The following REXO1 variants were observed in gnomAD, a reference collection of about 807,000 sequenced individuals.
The protein encoded by REXO1 is RNA exonuclease 1 homolog.
A neutral mutation model predicts 102.6 loss-of-function variants in REXO1; 42 were observed. The observed-to-expected ratio is 0.41, with a 90% CI of 0.32 to 0.53. REXO1 has a LOEUF of 0.53. Among genes scored for constraint, REXO1 ranks in the 20% least tolerant of loss-of-function variants. The probability of loss-of-function intolerance (pLI) is 0.27; values close to 1 mark genes in which losing one functional copy is unlikely to be tolerated. For synonymous variants in REXO1, 908 were observed against 779.1 expected, an observed-to-expected ratio of 1.17 and a Z score of -2.76; for missense variants, 1,819 against 1,732.5, an observed-to-expected ratio of 1.05 and a Z score of -0.89.
Position 1,827,107 on chromosome 19 carries a change from G to T in REXO1, c.1682C>A (p.Pro561Gln). ...CCGCTTGGGCGGCCCCTGCGCCTCC[G>T]GGAAGCCCAGGCTGGAGTCTGAGTC... ...DSDSDSSLGF[P>Q]EAQGPPKRLK... is the part of the protein sequence containing the mutation. Residue 561 changes from proline to glutamine, a missense_variant, in exon 2 of 16, where the codon CCG (proline) becomes CAG (glutamine). Pro to Gln is a moderately conservative substitution (Grantham distance 76). Transcript: ENST00000170168. 2.6e-6 allele frequency: 4 copies of T among 1,541,598 alleles called. No homozygotes were observed. The highest frequency in any genetic ancestry group is 3.5e-6 in the Non-Finnish European group (4 of 1,145,582).
Position 1,815,770 on chromosome 19 carries a change from G to C in REXO1, c.*296C>G. ...CGGGAGGGAGGGCCTGGCAGGAGGGGCAGGAGGGGCTGCGGGCCGGGTGGG... is the reference window on the plus strand; with the variant it reads ...CGGGAGGGAGGGCCTGGCAGGAGGGCCAGGAGGGGCTGCGGGCCGGGTGGG... On this transcript the variant is annotated 3_prime_UTR_variant, in exon 16 of 16. Transcript: ENST00000170168. The surrounding 1 kb of genome is among the most constrained non-coding windows in gnomAD (Gnocchi z 4.0). 6.9e-7 allele frequency: 1 copy of C among 1,447,554 alleles called. No individual in the cohort carries two copies. The highest frequency in any genetic ancestry group is 9.1e-7 in the Non-Finnish European group (1 of 1,095,348). The allele number at this position is 1,447,554 out of a possible 1,614,324, so 89.7% of individuals were successfully genotyped here. A position where few individuals can be genotyped will look rare whatever the true frequency, so the allele number is the denominator to read the frequency against.
rs1255100723 is a variant in REXO1, at chr19:1,815,553, T to TCCCACC, written c.*507_*512dup. 35 of 567,126 alleles carry TCCCACC rather than the reference T, an allele frequency of 6.2e-5. No individual in the cohort carries two copies. The highest frequency in any genetic ancestry group is 8.6e-5 in the Non-Finnish European group (34 of 394,540). 35.1% of individuals were successfully genotyped at this position (567,126 alleles called of 1,614,324 possible). Reference sequence around the variant, plus strand: ...TGGCCCTGGCCCCCACTGGGGTCTGTCCCACCCCCACCCCGCAGGAGGGAA... The same window carrying TCCCACC: ...TGGCCCTGGCCCCCACTGGGGTCTGTCCCACCCCCACCCCCACCCCGCAGGAGGGAA... On this transcript the variant is annotated 3_prime_UTR_variant, in exon 16 of 16. Coordinates refer to ENST00000170168, the MANE Select transcript of REXO1 (RefSeq NM_020695.4). This position sits in a 1 kb window ranked among gnomAD's most constrained non-coding sequence, Gnocchi z 4.0.
At chr19:1,829,031 G>A (rs1453525154) in intron 1 of REXO1, among the ~76,000 whole-genome samples, 1 of 152,248 alleles carries the variant, frequency 6.6e-6, no homozygotes, top group African/African-American at 2.4e-5. Context: ...GGACTGGGCT[G>A]GGCCGACAAC....
rs771331578 is a variant in REXO1, at chr19:1,816,666, G to A, written c.3317+32C>T. The A allele has an allele frequency of 4.4e-6, 7 of 1,604,838 alleles. No homozygotes were observed. The South Asian group carries it at 7.7e-5, about 18-fold the overall frequency. On this transcript the variant is annotated intron_variant, in intron 13 of 15. Transcript: ENST00000170168. ...GTCCCTGGGGAGAGGCGGCTGGGAG[G>A]GCTCCCAGCTCGTGGAGGGCACTGG...
intron 12 of REXO1, 127 bp downstream of exon 12, chr19:1,817,092 C>T (rs963932662): frequency 9.5e-5 from 110 of 1,163,718 alleles, no homozygotes; most frequent in Non-Finnish European, 1.3e-4. Context: ...CCACAGGCAC[C>T]GGTGCTGCGA....
At chr19:1,835,691 C>G (rs1183261139) in intron 1 of REXO1, among the ~76,000 whole-genome samples, 2 of 152,098 alleles carry the variant, frequency 1.3e-5, no homozygotes, top group Non-Finnish European at 2.9e-5. Flanking sequence ...TGGCCCAGGT[C>G]AGTCTGTTTC....
intron 1 of REXO1, among the ~76,000 whole-genome samples, chr19:1,842,271 C>T (rs2011320373): frequency 1.3e-5 from 2 of 152,032 alleles, no homozygotes; most frequent in Middle Eastern, 3.2e-3. Flanking sequence ...CAGGCGGGGC[C>T]GCCAGACCGG....
At position 1,816,264 on chromosome 19, in the gene REXO1, G is replaced by A. The variant is rs1239681591; in HGVS notation, c.3538C>T (p.Leu1180Phe). Residue 1180 changes from leucine (L) to phenylalanine (F), a missense_variant, in exon 15 of 16, where the codon CTC becomes TTC. Transcript: ENST00000170168. The part of the protein sequence containing the change: ...GLPYKRSLRN[L>F]MADYLRQIIQ... ...ATCTGTCTGAGGTAGTCGGCCATGAGGTTCCGCAGGGACCGCTTGTAGGGG... is the reference window on the plus strand; with the variant it reads ...ATCTGTCTGAGGTAGTCGGCCATGAAGTTCCGCAGGGACCGCTTGTAGGGG... 2 of 1,588,388 alleles carry A rather than the reference G, an allele frequency of 1.3e-6. No individual in the cohort carries two copies. Among genetic ancestry groups the A allele is most frequent in the Non-Finnish European group, 1.7e-6 (2 of 1,167,714 alleles).
rs1191106010 is a variant in REXO1 at position 1,825,941 on chromosome 19, G to A, written c.1914C>T (p.Pro638=). 1.2e-6 allele frequency: 2 copies of A among 1,608,954 alleles called. No individual in the cohort carries two copies. The highest frequency in any genetic ancestry group is 1.7e-6 in the Non-Finnish European group (2 of 1,175,704). Residue 638 remains proline, a splice_region_variant and synonymous_variant, in exon 3 of 16, where the codon CCC becomes CCT. Coordinates refer to ENST00000170168, the MANE Select transcript of REXO1 (RefSeq NM_020695.4). ...TCTCCTCACTCTTCTCTTCCTTGGG[G>A]GGCTAAGACACATGTCCGTCCGTCA... The part of the protein sequence containing the change: ...TEDRGRLARQ[P]PKEEKSEEKG...
intron 4 of REXO1, chr19:1,823,009 C>G (rs1272890149): frequency 6.6e-6 from 1 of 152,642 alleles, no homozygotes; most frequent in Non-Finnish European, 1.5e-5. Context: ...CTTTCTCGCT[C>G]TACAGACACC....
At chr19:1,836,185 C>A (rs1290727278) in intron 1 of REXO1, among the ~76,000 whole-genome samples, 1 of 152,236 alleles carries the variant, frequency 6.6e-6, no homozygotes, top group African/African-American at 2.4e-5. Context: ...GCTGTCCTGT[C>A]CCCAGCAATG....
At chr19:1,823,472 G>A (rs547621918) in intron 4 of REXO1, 100 bp downstream of exon 4, 3 of 837,564 alleles carry the variant, frequency 3.6e-6, no homozygotes, top group Middle Eastern at 8.1e-4. Flanking sequence ...CCATGAGCAA[G>A]CACCATGTGG....
chr19:1,830,181 T>C (rs115608750), intron 1 of REXO1, among the ~76,000 whole-genome samples: 240 of 152,302 alleles, frequency 1.6e-3, no homozygotes, highest in African/African-American at 5.3e-3. Flanking sequence ...TTCAAATATT[T>C]ACTCCAGAAA....
chr19:1,828,245 G>A lies in REXO1; in HGVS notation c.544C>T (p.Leu182=), dbSNP rs1419645150. ...APAEPGSKYS[L]ASLDRGQGRG... is the part of the protein sequence containing the mutation. The stretch of plus-strand genomic sequence containing the variant: ...CCCTGACCCCTGTCCAGGGACGCCA[G>A]CGAGTACTTGCTGCCCGGCTCGGCA... The change falls in exon 2 of 16, where the codon CTG becomes TTG. Residue 182 remains leucine, a synonymous_variant. Transcript: ENST00000170168. 1.9e-6 allele frequency: 3 copies of A among 1,606,558 alleles called. No homozygotes were observed. Among genetic ancestry groups the A allele is most frequent in the Non-Finnish European group, 2.5e-6 (3 of 1,176,588 alleles).
At chr19:1,832,442 C>G (rs1196381193) in intron 1 of REXO1, among the ~76,000 whole-genome samples, 1 of 152,242 alleles carries the variant, frequency 6.6e-6, no homozygotes, top group African/African-American at 2.4e-5. Flanking sequence ...CCCTCCTGTT[C>G]CCGGGAACCC....
chr19:1,818,889 G>C, intron 8 of REXO1, 46 bp from the exon 9 acceptor site: 1 of 1,598,678 alleles, frequency 6.3e-7, no homozygotes, highest in South Asian at 1.1e-5. Context: ...ATGGCCCACG[G>C]GGCGGTAGAC....
chr19:1,833,431 G>C (rs1166572284), intron 1 of REXO1, among the ~76,000 whole-genome samples: 2 of 152,224 alleles, frequency 1.3e-5, no homozygotes, highest in Non-Finnish European at 2.9e-5. Context: ...GTGCCCAGCA[G>C]GCGCAGAGGG....
intron 1 of REXO1, among the ~76,000 whole-genome samples, chr19:1,846,766 G>A (rs535069446): frequency 2.0e-5 from 3 of 152,214 alleles, no homozygotes; most frequent in South Asian, 2.1e-4. Flanking sequence ...GGCACCCGCC[G>A]CCCATAGTCC....
intron 1 of REXO1, among the ~76,000 whole-genome samples, chr19:1,831,606 G>A (rs1433367071): frequency 2.0e-5 from 3 of 151,962 alleles, no homozygotes; most frequent in Non-Finnish European, 4.4e-5. Flanking sequence ...ACTTTGGGAG[G>A]CTGAGGCGGG....
Sources: allele counts gnomAD v4.1 joint callset (sites outside exome capture counted in the v4.1 genomes callset), GRCh38; gene constraint gnomAD v4.1.1; non-coding constraint Gnocchi (gnomAD v3.1); transcripts MANE v1.5; gene names NCBI Gene and HGNC (gene_info 2026-07-23, HGNC 2026-07-21).